The following TAFA4 variants were observed in gnomAD, a reference collection of about 807,000 sequenced individuals.
The protein encoded by TAFA4 is TAFA chemokine like family member 4.
Under a neutral mutation model 21.1 loss-of-function variants are expected in TAFA4, and 20 were observed. The observed-to-expected ratio is 0.95, with a 90% CI of 0.67 to 1.38. The LOEUF (loss-of-function observed/expected upper bound fraction) is 1.38, where lower values mean the gene tolerates loss of function less well. TAFA4 is among the 40% of genes most tolerant of loss of function. The pLI, the probability that TAFA4 is intolerant of heterozygous loss-of-function variation, is 0.00. For missense variants in TAFA4, 211 were observed against 180.9 expected (o/e 1.17, Z -0.95); for synonymous variants, 71 against 67.4 (o/e 1.05, Z -0.26).
chr3:68,835,737 A>C (rs1416350209), intron 3 of TAFA4, among the ~76,000 whole-genome samples: 2 of 152,222 alleles, frequency 1.3e-5, no homozygotes, highest in African/African-American at 4.8e-5. Flanking sequence ...GAATGCTTAG[A>C]AATGATGAAG....
At chr3:68,772,704 G>A (rs1429916040) in intron 3 of TAFA4, among the ~76,000 whole-genome samples, 1 of 152,156 alleles carries the variant, frequency 6.6e-6, no homozygotes, top group Non-Finnish European at 1.5e-5. Context: ...TGCCTGGATG[G>A]GTAGAGGGAG....
chr3:68,829,003 G>A (rs112155425), intron 3 of TAFA4, among the ~76,000 whole-genome samples: 8 of 152,078 alleles, frequency 5.3e-5, no homozygotes, highest in African/African-American at 1.9e-4. Flanking sequence ...GTATGATATT[G>A]GCAGTATGAT....
At chr3:68,926,877 C>T (rs570732740) in intron 1 of TAFA4, among the ~76,000 whole-genome samples, 1 of 152,212 alleles carries the variant, frequency 6.6e-6, no homozygotes, top group Admixed American at 6.5e-5. Context: ...CGCCATTGCA[C>T]TCCAGCCTGG....
At chr3:68,899,786 C>T (rs2089826338) in intron 1 of TAFA4, among the ~76,000 whole-genome samples, 1 of 152,148 alleles carries the variant, frequency 6.6e-6, no homozygotes, top group Admixed American at 6.5e-5. Context: ...AGAATGACCT[C>T]TCTTCCTAGT....
At chr3:68,898,977 G>A (rs372657163) in intron 1 of TAFA4, among the ~76,000 whole-genome samples, 9 of 152,234 alleles carry the variant, frequency 5.9e-5, no homozygotes, top group South Asian at 2.1e-4. Flanking sequence ...AAGACCTTCC[G>A]AAGACTGAAG....
At chr3:68,763,364 C>T (rs748520593) in intron 3 of TAFA4, among the ~76,000 whole-genome samples, 1 of 152,178 alleles carries the variant, frequency 6.6e-6, no homozygotes. Flanking sequence ...TCCCAGCTCT[C>T]TTTCCCTTTT....
chr3:68,813,808 T>C (rs1232254140), intron 3 of TAFA4, among the ~76,000 whole-genome samples: 2 of 152,084 alleles, frequency 1.3e-5, no homozygotes, highest in Admixed American at 1.3e-4. Flanking sequence ...CCTCCCTAAC[T>C]CATTTTATGA....
At chr3:68,916,282 T>C (rs1481738849) in intron 1 of TAFA4, 1 of 152,236 alleles carries the variant, frequency 6.6e-6, no homozygotes, top group Non-Finnish European at 1.5e-5. Context: ...CACTTCAATA[T>C]TGGCAATTTG....
chr3:68,763,492 T>C (rs1575599459), intron 3 of TAFA4, among the ~76,000 whole-genome samples: 3 of 152,224 alleles, frequency 2.0e-5, no homozygotes, highest in Middle Eastern at 3.4e-3. Context: ...TTAACTATTA[T>C]TGTTCGATTC....
intron 1 of TAFA4, among the ~76,000 whole-genome samples, chr3:68,913,434 G>A (rs2089977639): frequency 6.6e-6 from 1 of 152,120 alleles, no homozygotes; most frequent in Admixed American, 6.5e-5. Context: ...CTGGCCATCA[G>A]GGAACAGAAA....
chr3:68,782,965 A>C (rs1270171511), intron 3 of TAFA4, among the ~76,000 whole-genome samples: 4 of 152,258 alleles, frequency 2.6e-5, no homozygotes. Context: ...GTAATGACCA[A>C]GTAAGGTTTA....
At chr3:68,899,630 C>T (rs1160033926) in intron 1 of TAFA4, among the ~76,000 whole-genome samples, 1 of 152,094 alleles carries the variant, frequency 6.6e-6, no homozygotes, top group Non-Finnish European at 1.5e-5. Flanking sequence ...CTCATCAAGG[C>T]TTTGTTCAGG....
At chr3:68,875,423 C>T in intron 3 of TAFA4, among the ~76,000 whole-genome samples, 1 of 152,150 alleles carries the variant, frequency 6.6e-6, no homozygotes, top group East Asian at 1.9e-4. Flanking sequence ...TAACCACTAT[C>T]TTATGGATGC....
At chr3:68,876,983 G>T (rs1168384517) in intron 3 of TAFA4, among the ~76,000 whole-genome samples, 1 of 152,030 alleles carries the variant, frequency 6.6e-6, no homozygotes, top group East Asian at 1.9e-4. Flanking sequence ...TCCCGAAGAG[G>T]TTTCATAACT....
chr3:68,887,951 A>G (rs1401284806), intron 1 of TAFA4, among the ~76,000 whole-genome samples: 2 of 152,070 alleles, frequency 1.3e-5, no homozygotes, highest in African/African-American at 4.8e-5. Flanking sequence ...TCTCCCAAAT[A>G]TGCTGTTTTA....
chr3:68,914,789 C>T (rs915203950), intron 1 of TAFA4, among the ~76,000 whole-genome samples: 1 of 152,108 alleles, frequency 6.6e-6, no homozygotes, highest in African/African-American at 2.4e-5. Flanking sequence ...GTCCATGGGC[C>T]AAATCCAGCC....
chr3:68,823,334 C>A (rs79820211), intron 3 of TAFA4, among the ~76,000 whole-genome samples: 5 of 152,158 alleles, frequency 3.3e-5, no homozygotes, highest in Non-Finnish European at 2.9e-5. Context: ...CAAAAGAAAT[C>A]GAATACATTC....
rs1162984604 is a variant in TAFA4, at chr3:68,885,063, G to A, written c.14+112C>T. 3 of 975,590 alleles carry A rather than the reference G, an allele frequency of 3.1e-6. No homozygotes were observed. The African/African-American group carries it at 5.0e-5, about 16-fold the overall frequency. The allele number at this position is 975,590 out of a possible 1,614,324, so 60.4% of individuals were successfully genotyped here. ...CAACATTTCCCCAAATTCCCAAAAA[G>A]TGTAAAAGCAGGCTTCTAAAACGGA... On this transcript the variant is annotated intron_variant, in intron 2 of 5. Transcript: ENST00000295569.
At chr3:68,915,306 C>T (rs976085988) in intron 1 of TAFA4, among the ~76,000 whole-genome samples, 8 of 152,176 alleles carry the variant, frequency 5.3e-5, no homozygotes, top group Non-Finnish European at 8.8e-5. Flanking sequence ...AAAGACAATA[C>T]AATTACAAAC....
Sources: gnomAD v4.1 joint callset for allele counts (sites outside exome capture counted in the v4.1 genomes callset) on GRCh38, gnomAD v4.1.1 for gene constraint, MANE v1.5 for transcripts, NCBI Gene and HGNC (gene_info 2026-07-23, HGNC 2026-07-21) for gene names.